KIF11: variants seen among roughly 807,000 people sequenced by gnomAD.
KIF11 encodes kinesin-like protein KIF11.
KIF11 carries 9 observed loss-of-function variants against 121.0 expected under a neutral mutation model. The observed-to-expected ratio is 0.07, with a 90% CI of 0.04 to 0.13. The LOEUF (loss-of-function observed/expected upper bound fraction) is 0.13, where lower values mean the gene tolerates loss of function less well. Among genes scored for constraint, KIF11 ranks in the 10% least tolerant of loss-of-function variants. The pLI, the probability that KIF11 is intolerant of heterozygous loss-of-function variation, is 1.00. For missense variants in KIF11, 846 were observed against 1,217.5 expected (o/e 0.69, Z 4.54); for synonymous variants, 408 against 421.0 (o/e 0.97, Z 0.38).
At chr10:92,607,601 TATA>T (rs1351361098) in intron 4 of KIF11, among the ~76,000 whole-genome samples, 1 of 152,150 alleles carries the variant, frequency 6.6e-6, no homozygotes, top group Non-Finnish European at 1.5e-5. Context: ...CCAGGGGAAG[TATA>T]GTACTTTATT....
At chr10:92,630,407 T>C (rs768812780) in intron 12 of KIF11, 43 bp downstream of exon 12, 1 of 1,280,406 alleles carries the variant, frequency 7.8e-7, no homozygotes, top group East Asian at 2.7e-5. Context: ...AAGTAGAGAA[T>C]GGGTAGAAAA....
chr10:92,640,800 G>C (rs1436666957), intron 17 of KIF11, among the ~76,000 whole-genome samples: 9 of 151,814 alleles, frequency 5.9e-5, no homozygotes. Context: ...TGGCGCGAGT[G>C]CAGTGGTGTG....
chr10:92,616,202 G>GT (rs1185934224), intron 8 of KIF11, among the ~76,000 whole-genome samples: 2 of 149,788 alleles, frequency 1.3e-5, no homozygotes, highest in African/African-American at 4.9e-5. Flanking sequence ...TTTTTGTTTT[G>GT]TTTTGTTTTT....
chr10:92,614,124 C>T (rs1313702993), intron 8 of KIF11, among the ~76,000 whole-genome samples: 1 of 140,806 alleles, frequency 7.1e-6, no homozygotes, highest in African/African-American at 2.9e-5. Context: ...TGAGACAAAT[C>T]CCACTCTTGT....
At chr10:92,618,639 GTC>G (rs1844585533) in intron 9 of KIF11, among the ~76,000 whole-genome samples, 3 of 121,502 alleles carry the variant, frequency 2.5e-5, no homozygotes, top group African/African-American at 1.4e-4. Context: ...GTGAGGCTCT[GTC>G]TCAAAAAAAA....
intron 9 of KIF11, among the ~76,000 whole-genome samples, chr10:92,619,529 G>A (rs1304302605): frequency 6.6e-6 from 1 of 152,120 alleles, no homozygotes. Flanking sequence ...CAATTGCTGG[G>A]TTGTATAATA....
chr10:92,593,998 C>A (rs1844263467), intron 1 of KIF11, among the ~76,000 whole-genome samples: 1 of 152,182 alleles, frequency 6.6e-6, no homozygotes. Context: ...CTTTCATCTG[C>A]GTGTTTGTTC....
At chr10:92,627,906 G>T (rs1265334875) in intron 10 of KIF11, among the ~76,000 whole-genome samples, 1 of 152,156 alleles carries the variant, frequency 6.6e-6, no homozygotes, top group Non-Finnish European at 1.5e-5. Context: ...GGGGGCTGAG[G>T]ATTCCATCAT....
At chr10:92,651,435 A>AAGT (rs1359307407) in intron 21 of KIF11, among the ~76,000 whole-genome samples, 1 of 146,080 alleles carries the variant, frequency 6.8e-6, no homozygotes, top group Non-Finnish European at 1.5e-5. Context: ...TCCTGGGTTC[A>AAGT]AGTGATTCTC....
At chr10:92,593,721 A>C (rs1844259115) in intron 1 of KIF11, among the ~76,000 whole-genome samples, 1 of 152,222 alleles carries the variant, frequency 6.6e-6, no homozygotes, top group South Asian at 2.1e-4. Flanking sequence ...TGTCACTTTT[A>C]TATGCTACTT....
intron 17 of KIF11, 63 bp from the exon 18 acceptor site, chr10:92,645,300 G>A: frequency 8.2e-7 from 1 of 1,222,304 alleles, no homozygotes; most frequent in Non-Finnish European, 1.2e-6. Flanking sequence ...GTGATCTTGG[G>A]AAGTTATATA....
Position 92,616,751 on chromosome 10 carries a change from A to G in KIF11, c.1047A>G (p.Thr349=), listed in dbSNP as rs920118364. The G allele has an allele frequency of 4.4e-6, 7 of 1,596,016 alleles. No homozygotes were observed. The African/African-American group carries it at 9.4e-5, about 21-fold the overall frequency. The change falls in exon 9 of 22, where the codon ACA becomes ACG. Residue 349 remains threonine (T), a synonymous_variant. Transcript: ENST00000260731. ...ASLNLEETLS[T]LEYAHRAKNI... is the part of the protein sequence containing the mutation. ...TTCCATGACAGGAAACTCTGAGTAC[A>G]TTGGAATATGCTCATAGAGCAAAGA...
In KIF11 at chr10:92,637,292, T is replaced by C; in HGVS notation, c.1984T>C (p.Leu662=). 2 of 1,593,980 alleles carry C rather than the reference T, an allele frequency of 1.3e-6. No individual in the cohort carries two copies. The highest frequency in any genetic ancestry group is 1.7e-6 in the Non-Finnish European group (2 of 1,175,732). Residue 662 remains leucine, a synonymous_variant, in exon 15 of 22, where the codon TTG becomes CTG. Transcript: ENST00000260731. Reference sequence around the variant, plus strand: ...ACTAAAGCATATTTTCAAGACTTCATTGACAGTGGCCGATAAGGTAACAAA... The same window carrying C: ...ACTAAAGCATATTTTCAAGACTTCACTGACAGTGGCCGATAAGGTAACAAA... The part of the protein sequence containing the change: ...SQLKHIFKTS[L]TVADKIEDQK...
chr10:92,607,341 A>G (rs1483609990), intron 4 of KIF11, 104 bp downstream of exon 4: 4 of 645,916 alleles, frequency 6.2e-6, no homozygotes, highest in South Asian at 1.9e-5. Flanking sequence ...CAGAGTACCT[A>G]TGTCAAAATG....
At chr10:92,644,785 T>TA (rs1229367988) in intron 17 of KIF11, among the ~76,000 whole-genome samples, 16 of 152,176 alleles carry the variant, frequency 1.1e-4, no homozygotes, top group Non-Finnish European at 2.1e-4. Flanking sequence ...TAGGGCAACT[T>TA]ACCGAGATGG....
chr10:92,633,586 G>A (rs775092691), intron 13 of KIF11, 37 bp from the exon 14 acceptor site: 110 of 1,440,580 alleles, frequency 7.6e-5, no homozygotes, highest in South Asian at 3.3e-4. Context: ...ATATATTTAT[G>A]TCAAAGTTTA....
intron 13 of KIF11, among the ~76,000 whole-genome samples, 194 bp from the exon 14 acceptor site, chr10:92,633,429 G>A (rs1589602633): frequency 1.3e-5 from 2 of 152,154 alleles, no homozygotes; most frequent in Admixed American, 1.3e-4. Flanking sequence ...TATGTTAAGG[G>A]CTTACAGAGC....
intron 10 of KIF11, among the ~76,000 whole-genome samples, chr10:92,621,763 T>C (rs1844619876): frequency 1.3e-5 from 2 of 152,152 alleles, no homozygotes; most frequent in Admixed American, 1.3e-4. Context: ...CACCACACCC[T>C]GCTAATTTTT....
chr10:92,642,326 G>A (rs1004636888), intron 17 of KIF11, among the ~76,000 whole-genome samples: 1 of 152,116 alleles, frequency 6.6e-6, no homozygotes, highest in East Asian at 1.9e-4. Context: ...ACTTTTATGG[G>A]CTGTGGTTCC....
Sources: allele counts gnomAD v4.1 joint callset (sites outside exome capture counted in the v4.1 genomes callset), GRCh38; gene constraint gnomAD v4.1.1; transcripts MANE v1.5; gene names NCBI Gene and HGNC (gene_info 2026-07-23, HGNC 2026-07-21).